The following NBPF14 variants were observed in gnomAD, a reference collection of about 807,000 sequenced individuals.
NBPF14 encodes NBPF member 14.
In NBPF14, 104 loss-of-function variants were observed where a neutral mutation model predicts 91.2. The observed-to-expected ratio is 1.14, with a 90% CI of 0.97 to 1.34. The LOEUF (loss-of-function observed/expected upper bound fraction) is 1.34. Ranked by LOEUF, NBPF14 falls within the 40% of genes most tolerant of loss-of-function variation. NBPF14 has a pLI of 0.00. For missense variants in NBPF14, 908 were observed against 783.0 expected (o/e 1.16, Z -1.91); for synonymous variants, 294 against 303.8 (o/e 0.97, Z 0.34).
At chr1:148,589,947 G>C (rs1285862491) in intron 6 of NBPF14, among the ~76,000 whole-genome samples, 1 of 147,048 alleles carries the variant, frequency 6.8e-6, no homozygotes, top group Admixed American at 6.8e-5. Context: ...GGACAGGCTG[G>C]TTTCGAACTC....
At chr1:148,592,661 C>A in exon 4 of NBPF14, 1 of 1,588,626 alleles carries the variant, frequency 6.3e-7, no homozygotes, top group Non-Finnish European at 8.6e-7. Context: ...TGAGGAGGGC[C>A]TGGAGATGCT....
At position 148,587,225 on chromosome 1, in the gene NBPF14, C is replaced by G. The variant is rs1342874266; in HGVS notation, c.1091+76G>C. The stretch of plus-strand genomic sequence containing the variant: ...TTCCCCTGGCCCAGCTGAGCTCTTA[C>G]GTCTCCCCACTGAGCTGCTGTACTT... On this transcript the variant is annotated intron_variant, in intron 8 of 70. Coordinates refer to ENST00000619423, the Ensembl canonical transcript of NBPF14. 4.7e-6 allele frequency: 6 copies of G among 1,276,726 alleles called. 1 individual carries two copies. Among genetic ancestry groups the G allele is most frequent in the South Asian group, 1.2e-5 (1 of 82,992 alleles). The allele number at this position is 1,276,726 out of a possible 1,614,324, so 79.1% of individuals were successfully genotyped here.
intron 10 of NBPF14, among the ~76,000 whole-genome samples, 182 bp downstream of exon 10, chr1:148,584,959 C>T (rs1217562441): frequency 6.1e-5 from 9 of 148,102 alleles, no homozygotes; most frequent in African/African-American, 2.2e-4. Context: ...AGACATGACA[C>T]TCAGCACACA....
intron 14 of NBPF14, among the ~76,000 whole-genome samples, chr1:148,577,710 T>C (rs1660163790): frequency 1.4e-5 from 2 of 144,438 alleles, no homozygotes; most frequent in Non-Finnish European, 3.0e-5. Flanking sequence ...CTCAATAATT[T>C]TGCATAAAAT....
At chr1:148,587,085 GT>G (rs1432824811) in intron 8 of NBPF14, among the ~76,000 whole-genome samples, 1 of 148,048 alleles carries the variant, frequency 6.8e-6, no homozygotes, top group Admixed American at 6.7e-5. Context: ...AAAATTACTT[GT>G]TTGAAAAAGA....
chr1:148,535,206 G>C (rs1198005776), intron 68 of NBPF14, among the ~76,000 whole-genome samples: 5 of 149,744 alleles, frequency 3.3e-5, no homozygotes, highest in Non-Finnish European at 5.9e-5. Context: ...CCATAAACTT[G>C]CTCAAGATTC....
Position 148,572,501 on chromosome 1 carries a change from G to C in NBPF14, c.2700C>G (p.Tyr900Ter), listed in dbSNP as rs1659252306. Reference sequence around the variant, plus strand: ...CCTCCAATGAGTAAACAGCACTGCTGTAGGGCTGGCCTAAGTCAGGCAGTT... The same window carrying C: ...CCTCCAATGAGTAAACAGCACTGCTCTAGGGCTGGCCTAAGTCAGGCAGTT... Residue 900 changes from tyrosine (Y) to a stop codon, truncating the protein, a stop_gained, in exon 21 of 71, where the codon TAC (tyrosine) becomes TAG (stop). Coordinates refer to ENST00000619423, the Ensembl canonical transcript of NBPF14. LOFTEE classifies it high-confidence loss of function. 1 of 592,296 alleles carries C rather than the reference G, an allele frequency of 1.7e-6. No individual in the cohort carries two copies. 36.7% of individuals were successfully genotyped at this position (592,296 alleles called of 1,614,324 possible). A position where few individuals can be genotyped will look rare whatever the true frequency, so the allele number is the denominator to read the frequency against.
chr1:148,533,835 A>G lies in NBPF14; in HGVS notation c.8723+26T>C. 7 of 766,482 alleles carry G rather than the reference A, an allele frequency of 9.1e-6. 1 individual carries two copies. Among genetic ancestry groups the G allele is most frequent in the Admixed American group, 8.6e-5 (5 of 58,460 alleles). The allele number at this position is 766,482 out of a possible 1,614,324, so 47.5% of individuals were successfully genotyped here. Reference sequence around the variant, plus strand: ...TGCCTCCAGGAGTTAACACAGAACTAAGGATCCACAATTGCTGAAAGTCAC... The same window carrying G: ...TGCCTCCAGGAGTTAACACAGAACTGAGGATCCACAATTGCTGAAAGTCAC... On this transcript the variant is annotated intron_variant, in intron 70 of 70. Coordinates refer to ENST00000619423, the Ensembl canonical transcript of NBPF14.
intron 59 of NBPF14, among the ~76,000 whole-genome samples, chr1:148,542,111 T>C: frequency 9.7e-6 from 1 of 102,934 alleles, no homozygotes; most frequent in Admixed American, 8.6e-5. Context: ...GCCATATTTT[T>C]CCAATCAACT....
In NBPF14 at chr1:148,566,320, A is replaced by T. The variant is rs1490214698; in HGVS notation, c.3543-5T>A. ...TCCAGCAGCTCCCTGCTGAGCCTGG[A>T]AAAGGAGGAAAAGGTAAAGAATAAG... On this transcript the variant is annotated splice_polypyrimidine_tract_variant and splice_region_variant and intron_variant, in intron 28 of 70. Transcript: ENST00000619423. The T allele has an allele frequency of 2.6e-6, 2 of 756,500 alleles. No homozygotes were observed. Among genetic ancestry groups the T allele is most frequent in the African/African-American group, 2.1e-5 (1 of 48,580 alleles). 46.9% of individuals were successfully genotyped at this position (756,500 alleles called of 1,614,324 possible). A position where few individuals can be genotyped will look rare whatever the true frequency, so the allele number is the denominator to read the frequency against.
chr1:148,593,815 G>A (rs1662882727), intron 2 of NBPF14, 115 bp from the exon 3 acceptor site: 28 of 996,774 alleles, frequency 2.8e-5, no homozygotes, highest in Middle Eastern at 6.8e-4. Flanking sequence ...CCAGTACCAC[G>A]GTCTAGACAG....
At chr1:148,535,321 C>A in intron 68 of NBPF14, 132 bp downstream of exon 68, 2 of 606,280 alleles carry the variant, frequency 3.3e-6, no homozygotes, top group East Asian at 2.9e-5. Context: ...GCAATGAAAA[C>A]CAACAGCAAT....
At chr1:148,584,300 GCAGA>G (rs1384797633) in intron 11 of NBPF14, among the ~76,000 whole-genome samples, 167 bp downstream of exon 11, 1 of 151,376 alleles carries the variant, frequency 6.6e-6, no homozygotes, top group Non-Finnish European at 1.5e-5. Flanking sequence ...CTGGGGACTG[GCAGA>G]CAAAGTCATG....
At chr1:148,578,785 A>G (rs1439118482) in intron 13 of NBPF14, among the ~76,000 whole-genome samples, 1 of 148,608 alleles carries the variant, frequency 6.7e-6, no homozygotes, top group African/African-American at 2.5e-5. Context: ...GGCATGTGCT[A>G]CATAGTTTGG....
chr1:148,559,504 C>G (rs1428040147), intron 37 of NBPF14, among the ~76,000 whole-genome samples: 1 of 125,254 alleles, frequency 8.0e-6, no homozygotes, highest in East Asian at 2.4e-4. Flanking sequence ...AAAATTGAGA[C>G]AAAATCAGAG....
chr1:148,554,807 T>A (rs1296844521), intron 43 of NBPF14, among the ~76,000 whole-genome samples: 3 of 147,404 alleles, frequency 2.0e-5, no homozygotes, highest in Admixed American at 6.6e-5. Context: ...CAGAGTTGTG[T>A]GAATTTGTCA....
intron 37 of NBPF14, among the ~76,000 whole-genome samples, chr1:148,559,513 A>G (rs1430273826): frequency 1.6e-5 from 2 of 124,206 alleles, no homozygotes; most frequent in African/African-American, 4.2e-5. Context: ...ACAAAATCAG[A>G]GTTGTGTGAA....
chr1:148,557,166 T>C (rs1656754697), intron 40 of NBPF14, among the ~76,000 whole-genome samples: 2 of 106,470 alleles, frequency 1.9e-5, no homozygotes, highest in Admixed American at 9.6e-5. Context: ...TCTGAGTTAG[T>C]GCCCTCAGGA....
intron 20 of NBPF14, among the ~76,000 whole-genome samples, chr1:148,572,910 G>C (rs1659379920): frequency 7.7e-5 from 1 of 12,938 alleles, no homozygotes; most frequent in South Asian, 1.8e-3. Context: ...CTCTGAGTTA[G>C]TGCCCTCATG....
Sources: gnomAD v4.1 joint callset for allele counts (sites outside exome capture counted in the v4.1 genomes callset) on GRCh38, gnomAD v4.1.1 for gene constraint, MANE v1.5 for transcripts, NCBI Gene and HGNC (gene_info 2026-07-23, HGNC 2026-07-21) for gene names.